SH3RF2: variants seen among roughly 807,000 people sequenced by gnomAD.
The protein encoded by SH3RF2 is E3 ubiquitin-protein ligase SH3RF2.
SH3RF2 carries 43 observed loss-of-function variants against 59.0 expected under a neutral mutation model. That is an observed-to-expected ratio of 0.73 (90% CI 0.57 to 0.94). The LOEUF (loss-of-function observed/expected upper bound fraction) is 0.94. SH3RF2 is among the 40% of genes least tolerant of loss of function. The pLI, the probability that SH3RF2 is intolerant of heterozygous loss-of-function variation, is 0.00. For synonymous variants in SH3RF2, 391 were observed against 391.5 expected (o/e 1.00, Z 0.01); for missense variants, 930 against 940.1 (o/e 0.99, Z 0.14).
At chr5:145,976,028 C>A (rs1013358300) in intron 2 of SH3RF2, among the ~76,000 whole-genome samples, 1 of 152,172 alleles carries the variant, frequency 6.6e-6, no homozygotes, top group Non-Finnish European at 1.5e-5. Flanking sequence ...TGACAGGTCA[C>A]ATACACACCA....
intron 5 of SH3RF2, among the ~76,000 whole-genome samples, chr5:146,041,746 G>A (rs968464609): frequency 1.3e-5 from 2 of 152,018 alleles, no homozygotes; most frequent in Admixed American, 6.6e-5. Context: ...CCTGGGCAAC[G>A]TGGTGGAACC....
At chr5:146,076,484 C>G (rs548821012) in intron 9 of SH3RF2, among the ~76,000 whole-genome samples, 3 of 152,168 alleles carry the variant, frequency 2.0e-5, no homozygotes, top group African/African-American at 7.2e-5. Context: ...ATGAACCCCC[C>G]GCCCATGTTC....
chr5:145,987,017 C>T (rs891134749), intron 2 of SH3RF2, among the ~76,000 whole-genome samples: 2 of 152,082 alleles, frequency 1.3e-5, no homozygotes, highest in Middle Eastern at 3.4e-3. Flanking sequence ...GATGTCATGC[C>T]CACAGACTCA....
intron 2 of SH3RF2, among the ~76,000 whole-genome samples, chr5:145,994,368 A>G (rs1446454956): frequency 6.6e-6 from 1 of 152,196 alleles, no homozygotes; most frequent in Non-Finnish European, 1.5e-5. Flanking sequence ...ATTTTCAGGT[A>G]TCTTTTCAGC....
At chr5:146,061,446 C>G (rs1372502930) in intron 9 of SH3RF2, among the ~76,000 whole-genome samples, 1 of 152,154 alleles carries the variant, frequency 6.6e-6, no homozygotes, top group Non-Finnish European at 1.5e-5. Context: ...TTGCCCATTA[C>G]TCCAAGCTTT....
At chr5:145,937,329 A>G (rs993400186) in intron 1 of SH3RF2, among the ~76,000 whole-genome samples, 1 of 152,234 alleles carries the variant, frequency 6.6e-6, no homozygotes, top group African/African-American at 2.4e-5. Context: ...AAATAATTCT[A>G]CATCTGCATG....
rs772690915 is a variant in SH3RF2, at chr5:145,938,357, G to C, written c.378+51G>C. ...TCATGTCCACATAGAGGTTGGATTT[G>C]TGTATACAAGGAGCTAGAGATTATC... On this transcript the variant is annotated intron_variant, in intron 2 of 9. Coordinates refer to ENST00000359120, the MANE Select transcript of SH3RF2 (RefSeq NM_152550.4). 4.0e-6 allele frequency: 6 copies of C among 1,492,756 alleles called. No individual in the cohort carries two copies. The Admixed American group carries it at 1.1e-4, about 28-fold the overall frequency. 92.5% of individuals were successfully genotyped at this position (1,492,756 alleles called of 1,614,324 possible). A position where few individuals can be genotyped will look rare whatever the true frequency, so the allele number is the denominator to read the frequency against.
chr5:146,068,571 G>A (rs1363664691), intron 9 of SH3RF2, among the ~76,000 whole-genome samples: 4 of 152,194 alleles, frequency 2.6e-5, no homozygotes, highest in African/African-American at 7.2e-5. Context: ...AACCAGAGAC[G>A]TTAACTCCAA....
intron 6 of SH3RF2, 60 bp downstream of exon 6, chr5:146,047,923 G>C: frequency 1.3e-6 from 2 of 1,491,214 alleles, no homozygotes; most frequent in Non-Finnish European, 1.9e-6. Flanking sequence ...TCTTTACCAT[G>C]TACAGTGGTG....
At chr5:146,052,797 T>C (rs986454121) in intron 7 of SH3RF2, among the ~76,000 whole-genome samples, 53 of 152,196 alleles carry the variant, frequency 3.5e-4, no homozygotes, top group African/African-American at 1.2e-3. Flanking sequence ...GTCTCAGGGA[T>C]GAATAATACT....
chr5:146,047,666 T>C (rs1172159728), intron 5 of SH3RF2, 106 bp from the exon 6 acceptor site: 24 of 998,028 alleles, frequency 2.4e-5, no homozygotes, highest in African/African-American at 4.8e-5. Flanking sequence ...GGCATGGCTG[T>C]TGGTTTTCAG....
chr5:146,019,467 A>G lies in SH3RF2; in HGVS notation c.1059+5406A>G, dbSNP rs879471072. Among the ~76,000 whole-genome samples the G allele has an allele frequency of 4.9e-4, 74 of 152,262 alleles. 1 individual carries two copies. The highest frequency in any genetic ancestry group is 1.8e-3 in the African/African-American group (73 of 41,568). ...GTTCTCTATTCTATTCCATTGGTCT[A>G]TGTGCCTACTTTTATACCAGTACCA... On this transcript the variant is annotated intron_variant, in intron 5 of 9. Coordinates refer to ENST00000359120, the MANE Select transcript of SH3RF2 (RefSeq NM_152550.4).
At chr5:146,063,322 T>A (rs1762966661), downstream of SH3RF2, 1 of 152,432 alleles carries the variant, frequency 6.6e-6, no homozygotes, top group African/African-American at 2.4e-5. Context: ...CTTAAGAAGG[T>A]CAGAGAGATC....
At chr5:145,988,304 G>A (rs1421930291) in intron 2 of SH3RF2, among the ~76,000 whole-genome samples, 4 of 151,382 alleles carry the variant, frequency 2.6e-5, no homozygotes, top group Non-Finnish European at 4.4e-5. Flanking sequence ...CACATTGTTA[G>A]CTTAGACTAT....
intron 9 of SH3RF2, among the ~76,000 whole-genome samples, chr5:146,075,844 G>C (rs1344766888): frequency 6.7e-6 from 1 of 149,216 alleles, no homozygotes; most frequent in Non-Finnish European, 1.5e-5. Context: ...AGGGGGTTTT[G>C]GTGATGTTTT....
exon 10 of SH3RF2, chr5:146,079,845 T>C (rs1177274992): frequency 6.6e-6 from 1 of 152,238 alleles, no homozygotes; most frequent in Admixed American, 6.5e-5. Flanking sequence ...AGAGGTGGGA[T>C]TGAGCACACT....
intron 5 of SH3RF2, chr5:146,043,629 A>G (rs990764650): frequency 1.3e-5 from 2 of 152,274 alleles, no homozygotes; most frequent in Non-Finnish European, 1.5e-5. Context: ...TTTGCTATCA[A>G]TCCTGTCTCC....
chr5:145,990,852 C>A (rs954980244), intron 2 of SH3RF2, among the ~76,000 whole-genome samples: 5 of 152,190 alleles, frequency 3.3e-5, no homozygotes, highest in African/African-American at 1.2e-4. Flanking sequence ...TCTGTAGAGA[C>A]AGAAAACAAT....
intron 2 of SH3RF2, among the ~76,000 whole-genome samples, chr5:145,952,878 G>T (rs1304972213): frequency 6.6e-6 from 1 of 152,134 alleles, no homozygotes; most frequent in African/African-American, 2.4e-5. Context: ...CTGGGAAACA[G>T]TATAAAACCC....
Sources: allele counts gnomAD v4.1 joint callset (sites outside exome capture counted in the v4.1 genomes callset), GRCh38; gene constraint gnomAD v4.1.1; transcripts MANE v1.5; gene names NCBI Gene and HGNC (gene_info 2026-07-23, HGNC 2026-07-21).